TENM3: variants seen among roughly 807,000 people sequenced by gnomAD.
TENM3 encodes teneurin-3.
Under a neutral mutation model 255.1 loss-of-function variants are expected in TENM3, and 63 were observed. That is an observed-to-expected ratio of 0.25 (90% CI 0.20 to 0.30). The LOEUF is 0.30. Among genes scored for constraint, TENM3 ranks in the 10% least tolerant of loss-of-function variants. The pLI, the probability that TENM3 is intolerant of heterozygous loss-of-function variation, is 1.00. For missense variants in TENM3, 2,929 were observed against 3,461.1 expected (o/e 0.85, Z 3.86); for synonymous variants, 1,306 against 1,322.3 (o/e 0.99, Z 0.27).
intron 22 of TENM3, among the ~76,000 whole-genome samples, chr4:182,768,352 A>G (rs533878516): frequency 6.6e-6 from 1 of 152,308 alleles, no homozygotes; most frequent in South Asian, 2.1e-4. Context: ...ACTTGAATAA[A>G]TTTGCAACAT....
chr4:182,570,857 A>C (rs946189876), intron 3 of TENM3, among the ~76,000 whole-genome samples: 1 of 151,584 alleles, frequency 6.6e-6, no homozygotes, highest in African/African-American at 2.4e-5. Flanking sequence ...AAACAAACTT[A>C]GAAAGAGCCA....
chr4:182,536,399 C>T (rs1047173369), intron 3 of TENM3, among the ~76,000 whole-genome samples: 1 of 152,202 alleles, frequency 6.6e-6, no homozygotes, highest in Admixed American at 6.5e-5. Flanking sequence ...CTCTACTGGG[C>T]GCCGGAGCAA....
intron 2 of TENM3, among the ~76,000 whole-genome samples, chr4:182,327,546 G>A (rs1378970538): frequency 2.0e-5 from 3 of 152,172 alleles, no homozygotes; most frequent in Non-Finnish European, 2.9e-5. Context: ...TTTACTGACT[G>A]GCAGGTGACT....
At chr4:181,463,153 C>T in the TENM3 span, among the ~76,000 whole-genome samples, 2 of 152,186 alleles carry the variant, frequency 1.3e-5, no homozygotes, top group African/African-American at 4.8e-5. Flanking sequence ...CATAGCCCTC[C>T]CACCCATGGC....
chr4:181,474,003 C>A, the TENM3 span, among the ~76,000 whole-genome samples: 1 of 151,338 alleles, frequency 6.6e-6, no homozygotes, highest in Non-Finnish European at 1.5e-5. Context: ...TTTTAAAATA[C>A]AAATACATTT....
the TENM3 span, among the ~76,000 whole-genome samples, chr4:181,951,865 C>T: frequency 6.6e-6 from 1 of 152,106 alleles, no homozygotes; most frequent in Non-Finnish European, 1.5e-5. Flanking sequence ...GAAATGTAAT[C>T]GAAAGCTGTA....
chr4:181,772,535 T>G, the TENM3 span, among the ~76,000 whole-genome samples: 1 of 152,214 alleles, frequency 6.6e-6, no homozygotes, highest in Non-Finnish European at 1.5e-5. Flanking sequence ...AATGTTAATG[T>G]GTTGTAACAA....
the TENM3 span, among the ~76,000 whole-genome samples, chr4:181,715,551 C>CAAAG: frequency 1.3e-5 from 2 of 152,092 alleles, no homozygotes; most frequent in African/African-American, 4.8e-5. Context: ...TAATTCAAGA[C>CAAAG]AAAGAGATCC....
intron 1 of TENM3, among the ~76,000 whole-genome samples, chr4:182,292,786 A>G (rs1205231660): frequency 6.6e-6 from 1 of 152,188 alleles, no homozygotes; most frequent in East Asian, 1.9e-4. Flanking sequence ...GGACAACTTG[A>G]GTGACACTAG....
At chr4:182,463,610 C>T (rs1043075569) in intron 3 of TENM3, among the ~76,000 whole-genome samples, 5 of 150,314 alleles carry the variant, frequency 3.3e-5, no homozygotes, top group Admixed American at 1.3e-4. Flanking sequence ...AGGCGCCTGC[C>T]ACTGCGCCTG....
the TENM3 span, among the ~76,000 whole-genome samples, chr4:181,699,155 G>A: frequency 3.3e-5 from 5 of 152,114 alleles, no homozygotes; most frequent in East Asian, 9.6e-4. Flanking sequence ...ACAAGGCCAG[G>A]CATAGTGGCT....
the TENM3 span, among the ~76,000 whole-genome samples, chr4:181,564,075 C>T: frequency 1.6e-5 from 2 of 126,024 alleles, no homozygotes; most frequent in African/African-American, 3.1e-5. Flanking sequence ...GAATCTCACT[C>T]TGTTGCCCAG....
chr4:182,091,831 C>T, the TENM3 span, among the ~76,000 whole-genome samples: 1 of 152,176 alleles, frequency 6.6e-6, no homozygotes, highest in South Asian at 2.1e-4. Context: ...CTACCCCTAG[C>T]ATCACCAAAC....
At chr4:182,527,375 A>T (rs1335148936) in intron 3 of TENM3, among the ~76,000 whole-genome samples, 1 of 152,186 alleles carries the variant, frequency 6.6e-6, no homozygotes, top group Non-Finnish European at 1.5e-5. Context: ...TGATCAAGTC[A>T]TTCAGAAGAA....
the TENM3 span, among the ~76,000 whole-genome samples, chr4:181,672,646 CA>C: frequency 0.04 from 6,039 of 152,294 alleles, 139 homozygotes; most frequent in Middle Eastern, 0.075. Flanking sequence ...GATGTGTTTT[CA>C]TAATGATTAT....
the TENM3 span, among the ~76,000 whole-genome samples, chr4:182,098,955 C>CTTT: frequency 0.088 from 11,574 of 131,418 alleles, 934 homozygotes; most frequent in Non-Finnish European, 0.1. Context: ...GTGCACAACT[C>CTTT]TTTTTTTCTT....
chr4:182,777,511 A>ATGTGTGTGTGTGTGTGTGTGTG (rs150202066), intron 24 of TENM3, among the ~76,000 whole-genome samples: 2 of 99,852 alleles, frequency 2.0e-5, no homozygotes, highest in East Asian at 3.2e-4. Context: ...TAATGTGTTT[A>ATGTGTGTGTGTGTGTGTGTGTG]TGTGTGTGTG....
At chr4:182,252,192 A>C (rs954718558) in intron 1 of TENM3, among the ~76,000 whole-genome samples, 1 of 152,214 alleles carries the variant, frequency 6.6e-6, no homozygotes, top group Middle Eastern at 3.4e-3. Flanking sequence ...CAAAAAAAAA[A>C]AACAACAAAA....
At chr4:182,219,668 AC>A (rs1755729071) in intron 1 of TENM3, among the ~76,000 whole-genome samples, 1 of 150,810 alleles carries the variant, frequency 6.6e-6, no homozygotes, top group Non-Finnish European at 1.5e-5. Context: ...ATCTCCAAAA[AC>A]AAAAAAAAGA....
Sources: gnomAD v4.1 joint callset for allele counts (sites outside exome capture counted in the v4.1 genomes callset) on GRCh38, gnomAD v4.1.1 for gene constraint, MANE v1.5 for transcripts, NCBI Gene and HGNC (gene_info 2026-07-23, HGNC 2026-07-21) for gene names.